Variants in NIN observed in about 807,000 individuals in gnomAD.
NIN encodes glycogen synthase kinase 3 beta-interacting protein.
Under a neutral mutation model 257.6 loss-of-function variants are expected in NIN, and 137 were observed. The ratio of observed to expected loss-of-function variants is 0.53; its 90% CI spans 0.46 to 0.61. The LOEUF is 0.61. Ranked by LOEUF, NIN falls within the 20% of genes least tolerant of loss-of-function variation. The pLI is 0.00. For synonymous variants in NIN, 918 were observed against 919.8 expected (o/e 1.00, Z 0.04); for missense variants, 2,439 against 2,501.2 (o/e 0.98, Z 0.53).
intron 12 of NIN, among the ~76,000 whole-genome samples, chr14:50,767,380 G>C (rs1350709437): frequency 6.6e-6 from 1 of 152,104 alleles, no homozygotes; most frequent in Non-Finnish European, 1.5e-5. Flanking sequence ...TATAATGCAG[G>C]CCACGTATGT....
intron 9 of NIN, chr14:50,771,983 C>T (rs1260345706): frequency 4.4e-6 from 1 of 226,794 alleles, no homozygotes; most frequent in Non-Finnish European, 8.5e-6. Flanking sequence ...GAGACTCCGT[C>T]TCAAAAAAAA....
rs779960279 is a variant in NIN, at chr14:50,758,131, GGCTGGCCAGCTGCTC to G, written c.2884_2898del (p.Glu962_Ser966del). 2.5e-6 allele frequency: 4 copies of G among 1,614,170 alleles called. No individual in the cohort carries two copies. In the South Asian group the frequency reaches 3.3e-5, roughly 13 times the overall value. Reference sequence around the variant, plus strand: ...TCCATTTCTAGTCTTTCCAGCCGCTGGCTGGCCAGCTGCTCCGAAGCCCCTGCCTGGCACAGGACC... The same window carrying G: ...TCCATTTCTAGTCTTTCCAGCCGCTGCGAAGCCCCTGCCTGGCACAGGACC... On this transcript the variant is annotated inframe_deletion, in exon 18 of 31. Coordinates refer to ENST00000530997, the MANE Select transcript of NIN (RefSeq NM_020921.4).
At chr14:50,752,048 A>T (rs2041809302) in intron 21 of NIN, among the ~76,000 whole-genome samples, 1 of 151,918 alleles carries the variant, frequency 6.6e-6, no homozygotes, top group Non-Finnish European at 1.5e-5. Flanking sequence ...TTTAACATAT[A>T]ATCAGTGTTT....
intron 20 of NIN, among the ~76,000 whole-genome samples, chr14:50,753,796 C>G: frequency 6.6e-6 from 1 of 152,070 alleles, no homozygotes; most frequent in South Asian, 2.1e-4. Context: ...ATCTTTACTT[C>G]TTGCTAATTC....
chr14:50,826,055 C>T (rs2045442403), intron 2 of NIN, among the ~76,000 whole-genome samples: 1 of 152,190 alleles, frequency 6.6e-6, no homozygotes, highest in African/African-American at 2.4e-5. Context: ...ATTGGTAATT[C>T]GTAAATGACT....
intron 15 of NIN, 75 bp from the exon 16 acceptor site, chr14:50,761,986 T>G (rs896820999): frequency 4.7e-6 from 7 of 1,504,044 alleles, no homozygotes; most frequent in Admixed American, 1.7e-5. Context: ...AGGAGGGACA[T>G]CCAGTTTAAC....
rs992498439 is a variant in NIN at position 50,773,207 on chromosome 14, T to C, written c.667-112A>G. ...ATGGTTGGTCCCAGGACTCCAGAAA[T>C]ATAATTATGCCCCTTTATTCTCACT... is the stretch of plus-strand genomic sequence containing the variant. On this transcript the variant is annotated intron_variant, in intron 7 of 30. Transcript: ENST00000530997. 8 of 681,406 alleles carry C rather than the reference T, an allele frequency of 1.2e-5. No homozygotes were observed. The Admixed American group carries it at 1.5e-4, about 13-fold the overall frequency. The allele number at this position is 681,406 out of a possible 1,614,324, so 42.2% of individuals were successfully genotyped here. A position where few individuals can be genotyped will look rare whatever the true frequency, so the allele number is the denominator to read the frequency against.
At chr14:50,819,810 A>G (rs1198310458) in intron 3 of NIN, among the ~76,000 whole-genome samples, 4 of 152,204 alleles carry the variant, frequency 2.6e-5, no homozygotes, top group African/African-American at 4.8e-5. Flanking sequence ...GCTAACCCTT[A>G]TAAGTTTTTC....
chr14:50,803,902 T>TC (rs1491523730), intron 4 of NIN, among the ~76,000 whole-genome samples: 2 of 90,150 alleles, frequency 2.2e-5, no homozygotes, highest in African/African-American at 6.1e-5. Context: ...TCTTTTTTCT[T>TC]CTTTTTTTTT....
chr14:50,745,959 T>C (rs1226673147), intron 22 of NIN, among the ~76,000 whole-genome samples: 3 of 151,876 alleles, frequency 2.0e-5, no homozygotes, highest in Non-Finnish European at 4.4e-5. Flanking sequence ...TCCAGGTCTC[T>C]GATAAAACAA....
intron 3 of NIN, among the ~76,000 whole-genome samples, chr14:50,818,865 C>T (rs2045060666): frequency 6.7e-6 from 1 of 148,478 alleles, no homozygotes; most frequent in Middle Eastern, 3.4e-3. Flanking sequence ...ATTTAAGTTA[C>T]TTTCATTAAC....
chr14:50,743,924 TTATC>T (rs1176060684), intron 23 of NIN, among the ~76,000 whole-genome samples: 1 of 152,202 alleles, frequency 6.6e-6, no homozygotes, highest in Non-Finnish European at 1.5e-5. Context: ...AAAAAAGTGT[TTATC>T]TATGAAATTG....
chr14:50,759,568 A>C (rs1430485518), intron 17 of NIN, among the ~76,000 whole-genome samples: 1 of 150,200 alleles, frequency 6.7e-6, no homozygotes, highest in African/African-American at 2.5e-5. Flanking sequence ...ATCTCGGCTC[A>C]CTGCAAGCTC....
intron 3 of NIN, among the ~76,000 whole-genome samples, chr14:50,817,405 C>T (rs1297622400): frequency 6.6e-6 from 1 of 152,108 alleles, no homozygotes; most frequent in Non-Finnish European, 1.5e-5. Flanking sequence ...AACAAATCCA[C>T]CACATGAAAT....
At chr14:50,756,157 T>TTA (rs1555379878) in intron 18 of NIN, among the ~76,000 whole-genome samples, 2 of 147,570 alleles carry the variant, frequency 1.4e-5, no homozygotes, top group African/African-American at 5.0e-5. Flanking sequence ...CTTAGCAAAA[T>TTA]AAAAAAAAAA....
intron 28 of NIN, among the ~76,000 whole-genome samples, chr14:50,734,996 T>A (rs2040906293): frequency 6.6e-6 from 1 of 152,118 alleles, no homozygotes; most frequent in Non-Finnish European, 1.5e-5. Flanking sequence ...ACAAATACAT[T>A]TTCATAGTGA....
intron 3 of NIN, among the ~76,000 whole-genome samples, chr14:50,813,152 G>A (rs927978404): frequency 5.3e-5 from 8 of 152,152 alleles, no homozygotes; most frequent in Non-Finnish European, 7.4e-5. Context: ...CACCCCCACC[G>A]GTGGGCTAAC....
intron 12 of NIN, among the ~76,000 whole-genome samples, chr14:50,767,706 A>G (rs1192610192): frequency 1.3e-5 from 2 of 151,752 alleles, no homozygotes; most frequent in Admixed American, 1.3e-4. Context: ...AGTCCCAGCT[A>G]CTTGGGAGGC....
At chr14:50,728,831 A>T (rs987067628) in intron 29 of NIN, among the ~76,000 whole-genome samples, 5 of 152,242 alleles carry the variant, frequency 3.3e-5, no homozygotes, top group African/African-American at 1.2e-4. Context: ...GGATCATGCT[A>T]ATGCAAACAA....
Sources: allele counts gnomAD v4.1 joint callset (sites outside exome capture counted in the v4.1 genomes callset), GRCh38; gene constraint gnomAD v4.1.1; transcripts MANE v1.5; gene names NCBI Gene and HGNC (gene_info 2026-07-23, HGNC 2026-07-21).